The following DEPDC1 variants were observed in gnomAD, a reference collection of about 807,000 sequenced individuals.
DEPDC1 encodes the protein DEP domain containing 1.
DEPDC1 carries 66 observed loss-of-function variants against 86.8 expected under a neutral mutation model. The ratio of observed to expected loss-of-function variants is 0.76; its 90% confidence interval spans 0.62 to 0.93. The LOEUF (loss-of-function observed/expected upper bound fraction) is 0.93. Ranked by LOEUF, DEPDC1 falls within the 40% of genes least tolerant of loss-of-function variation. DEPDC1 has a pLI of 0.00. For missense variants in DEPDC1, 792 were observed against 935.7 expected (o/e 0.85, Z 2.00); for synonymous variants, 255 against 314.9 (o/e 0.81, Z 2.02).
Position 68,477,850 on chromosome 1 carries a change from A to G in DEPDC1, c.2235T>C (p.Leu745=). Residue 745 remains leucine, a synonymous_variant, in exon 11 of 12, where the codon CTT becomes CTC. Coordinates refer to ENST00000456315, the MANE Select transcript of DEPDC1 (RefSeq NM_001114120.3). ...TCCTGTTTTTAATAATATTTTCTAA[A>G]AGTTCTGCAATTGCAGCTTGAGAGG... ...VSTSQAAIAE[L]LENIIKNRSL... 1 of 1,583,472 alleles carries G rather than the reference A, an allele frequency of 6.3e-7. No homozygotes were observed. Among genetic ancestry groups the G allele is most frequent in the South Asian group, 1.2e-5 (1 of 83,036 alleles).
chr1:68,479,061 C>A, intron 10 of DEPDC1, 83 bp downstream of exon 10: 4 of 1,236,046 alleles, frequency 3.2e-6, no homozygotes, highest in Non-Finnish European at 4.5e-6. Context: ...GATAAAGTCT[C>A]CCTTTTTGAT....
chr1:68,492,807 T>G (rs967787461), intron 2 of DEPDC1, among the ~76,000 whole-genome samples: 1 of 152,048 alleles, frequency 6.6e-6, no homozygotes, highest in Non-Finnish European at 1.5e-5. Context: ...GGGAGCACAA[T>G]AGACTAAATC....
At chr1:68,489,095 A>T in intron 3 of DEPDC1, 61 bp from the exon 4 acceptor site, 2 of 1,026,174 alleles carry the variant, frequency 1.9e-6, no homozygotes, top group South Asian at 1.3e-5. Context: ...TATTGAAAGC[A>T]ACAATAATTC....
At position 68,479,254 on chromosome 1, in the gene DEPDC1, CAAG is replaced by C. The variant is rs1364223859; in HGVS notation, c.1999_2001del (p.Leu667del). 3 of 1,612,520 alleles carry C rather than the reference CAAG, an allele frequency of 1.9e-6. No homozygotes were observed. The highest frequency in any genetic ancestry group is 4.5e-5 in the East Asian group (2 of 44,796). ...ATTAAGAAAGAAACTAATCTTCCAG[CAAG>C]AAGCTCATCAAGATCCACTTCTTCA... On this transcript the variant is annotated inframe_deletion, in exon 10 of 12. Coordinates refer to ENST00000456315, the MANE Select transcript of DEPDC1 (RefSeq NM_001114120.3).
chr1:68,494,355 A>G (rs3790483), intron 2 of DEPDC1, 75 bp downstream of exon 2: 67,373 of 1,309,384 alleles, frequency 0.051, 2,156 homozygotes, highest in African/African-American at 0.14. Flanking sequence ...AGCTGCTGTT[A>G]TAGTAAAAGT....
intron 5 of DEPDC1, 151 bp downstream of exon 5, chr1:68,488,223 A>G: frequency 8.8e-6 from 5 of 571,094 alleles, no homozygotes; most frequent in Non-Finnish European, 1.4e-5. Flanking sequence ...CTTAAAAATT[A>G]TTCCACTGTT....
intron 9 of DEPDC1, among the ~76,000 whole-genome samples, chr1:68,480,243 C>G (rs544633859): frequency 1.1e-3 from 53 of 46,254 alleles, no homozygotes; most frequent in Non-Finnish European, 2.8e-3. Context: ...ATGCAACCCT[C>G]TAACTGTACC....
rs1237869094 is a variant in DEPDC1, at chr1:68,482,178, T to C, written c.1630A>G (p.Ser544Gly). The C allele has an allele frequency of 1.2e-6, 2 of 1,612,958 alleles. No homozygotes were observed. The highest frequency in any genetic ancestry group is 1.7e-5 in the Admixed American group (1 of 59,912). The change falls in exon 8 of 12, where the codon AGT (serine) becomes GGT (glycine). Residue 544 changes from serine (S) to glycine (G), a missense_variant. Transcript: ENST00000456315. Reference protein sequence around the residue: ...MKPNVGQGSTSVQTAMESELG... With the variant: ...MKPNVGQGSTGVQTAMESELG... ...TCACTTTCCATAGCTGTTTGCACAC[T>C]TGTGCTGCCTTGTCCAACATTTGGT...
At chr1:68,479,075 G>C (rs1304567862) in intron 10 of DEPDC1, 69 bp downstream of exon 10, 1 of 1,346,528 alleles carries the variant, frequency 7.4e-7, no homozygotes, top group Non-Finnish European at 1.0e-6. Flanking sequence ...TTTTGATTAA[G>C]CTATTTTGAG....
Position 68,482,871 on chromosome 1 carries a change from C to G in DEPDC1, c.937G>C (p.Asp313His). The change falls in exon 8 of 12, where the codon GAT (aspartate) becomes CAT (histidine). Residue 313 changes from aspartate (D) to histidine (H), a missense_variant. Coordinates refer to ENST00000456315, the MANE Select transcript of DEPDC1 (RefSeq NM_001114120.3). ...LVVCGYITVS[D>H]RSSGIHKIQD... ...ATTTTATGTATCCCACTGGATCTAT[C>G]TGAAACTGTGATGTAGCCACAAACA... 5 of 1,581,638 alleles carry G rather than the reference C, an allele frequency of 3.2e-6. No individual in the cohort carries two copies. The highest frequency in any genetic ancestry group is 1.4e-5 in the African/African-American group (1 of 73,400).
Position 68,488,575 on chromosome 1 carries a change from C to A in DEPDC1, c.591-71G>T, listed in dbSNP as rs964515871. On this transcript the variant is annotated intron_variant, in intron 4 of 11. Transcript: ENST00000456315. The stretch of plus-strand genomic sequence containing the variant: ...TATACATATGAATATGACTAGTAAA[C>A]AAAGCCATCAGAATATTTTATTTTT... 4.7e-6 allele frequency: 6 copies of A among 1,264,186 alleles called. No homozygotes were observed. The South Asian group carries it at 8.7e-5, about 18-fold the overall frequency. 78.3% of individuals were successfully genotyped at this position (1,264,186 alleles called of 1,614,324 possible). A position where few individuals can be genotyped will look rare whatever the true frequency, so the allele number is the denominator to read the frequency against.
At chr1:68,492,244 T>C (rs935428286) in intron 2 of DEPDC1, among the ~76,000 whole-genome samples, 1 of 152,218 alleles carries the variant, frequency 6.6e-6, no homozygotes, top group Admixed American at 6.5e-5. Context: ...TATTTCAATT[T>C]GGGAGGAATT....
Position 68,475,367 on chromosome 1 carries a change from C to A in DEPDC1, c.*1565G>T, listed in dbSNP as rs1222101420. 6.6e-6 allele frequency: 1 copy of A among 151,722 alleles called. No individual in the cohort carries two copies. The highest frequency in any genetic ancestry group is 2.4e-5 in the African/African-American group (1 of 41,358). 9.4% of individuals were successfully genotyped at this position (151,722 alleles called of 1,614,324 possible). A position where few individuals can be genotyped will look rare whatever the true frequency, so the allele number is the denominator to read the frequency against. ...TTTAATCTCAATTTGCAACATAATC[C>A]ACATTTTACATATCTATAAACAATA... On this transcript the variant is annotated 3_prime_UTR_variant, in exon 12 of 12. Coordinates refer to ENST00000456315, the MANE Select transcript of DEPDC1 (RefSeq NM_001114120.3).
chr1:68,479,454 C>A, intron 9 of DEPDC1, 134 bp from the exon 10 acceptor site: 1 of 601,294 alleles, frequency 1.7e-6, no homozygotes. Context: ...AAAATGAGGA[C>A]AACGATTTAT....
intron 1 of DEPDC1, among the ~76,000 whole-genome samples, chr1:68,495,988 G>GT (rs1646262260): frequency 6.6e-6 from 1 of 152,024 alleles, no homozygotes; most frequent in South Asian, 2.1e-4. Context: ...CTTCATATTG[G>GT]TAAATATAGC....
chr1:68,489,494 T>C lies in DEPDC1; in HGVS notation c.429A>G (p.Leu143=). The C allele has an allele frequency of 6.5e-7, 1 of 1,533,908 alleles. No homozygotes were observed. The change falls in exon 3 of 12, where the codon TTA becomes TTG. Residue 143 remains leucine, a synonymous_variant. Transcript: ENST00000456315. ...DKDSIFKLRN[L]SRRTPKRHGL... is the part of the protein sequence containing the mutation. ...CATGCCTTTTAGGAGTTCTACGAGA[T>C]AAGTTTCGTAATTTAAAAATGCTAT...
At chr1:68,478,641 T>C (rs190101918) in intron 10 of DEPDC1, among the ~76,000 whole-genome samples, 1 of 152,050 alleles carries the variant, frequency 6.6e-6, no homozygotes, top group East Asian at 1.9e-4. Flanking sequence ...CTGCTCAGTA[T>C]TCCTTCTCTC....
chr1:68,477,821 A>T lies in DEPDC1; in HGVS notation c.2264T>A (p.Leu755Ter). The T allele has an allele frequency of 6.5e-7, 1 of 1,547,264 alleles. No homozygotes were observed. Among genetic ancestry groups the T allele is most frequent in the South Asian group, 1.3e-5 (1 of 75,490 alleles). Reference sequence around the variant, plus strand: ...TTTTTTTCTTTTCTCCTTTAGAGGTAAACTCCTGTTTTTAATAATATTTTC... The same window carrying T: ...TTTTTTTCTTTTCTCCTTTAGAGGTTAACTCCTGTTTTTAATAATATTTTC... The part of the protein sequence containing the change: ...LLENIIKNRS[L>*]PLKEKRKKLK... Residue 755 changes from leucine to a stop codon, truncating the protein, a stop_gained, in exon 11 of 12, where the codon TTA becomes TAA. Transcript: ENST00000456315. LOFTEE classifies it high-confidence loss of function.
At chr1:68,481,397 G>A (rs556513877) in intron 9 of DEPDC1, 43 bp downstream of exon 9, 5 of 1,550,170 alleles carry the variant, frequency 3.2e-6, no homozygotes, top group Non-Finnish European at 4.4e-6. Flanking sequence ...TGTTATTTTG[G>A]TTTATGAATC....
Sources: allele counts gnomAD v4.1 joint callset (sites outside exome capture counted in the v4.1 genomes callset), GRCh38; gene constraint gnomAD v4.1.1; transcripts MANE v1.5; gene names NCBI Gene and HGNC (gene_info 2026-07-23, HGNC 2026-07-21).